The following FBH1 variants were observed in gnomAD, a reference collection of about 807,000 sequenced individuals.
FBH1 encodes the protein F-box DNA helicase 1, also known as DNA 3'-5' helicase 1.
A neutral mutation model predicts 115.5 loss-of-function variants in FBH1; 43 were observed. That is an observed-to-expected ratio of 0.37 (90% CI 0.29 to 0.48). FBH1 has a LOEUF of 0.48. Ranked by LOEUF, FBH1 falls within the 20% of genes least tolerant of loss-of-function variation. The pLI is 0.99. For synonymous variants in FBH1, 524 were observed against 507.8 expected, an observed-to-expected ratio of 1.03 and a Z score of -0.43; for missense variants, 1,001 against 1,337.3, an observed-to-expected ratio of 0.75 and a Z score of 3.92.
chr10:5,915,290 C>T lies in FBH1; in HGVS notation c.1397-113C>T. 4 of 1,106,744 alleles carry T rather than the reference C, an allele frequency of 3.6e-6. No homozygotes were observed. The highest frequency in any genetic ancestry group is 1.3e-6 in the Non-Finnish European group (1 of 783,846). The allele number at this position is 1,106,744 out of a possible 1,614,324, so 68.6% of individuals were successfully genotyped here. The stretch of plus-strand genomic sequence containing the variant: ...TTTACCAGCACTGAAAAACTTGTTA[C>T]TGTCCTGCTCTCAAGACAGAGGTGT... On this transcript the variant is annotated intron_variant, in intron 8 of 20. Coordinates refer to ENST00000362091, the MANE Select transcript of FBH1 (RefSeq NM_178150.3). This position sits in a 1 kb window ranked among gnomAD's most constrained non-coding sequence, Gnocchi z 5.2.
chr10:5,911,372 C>T lies in FBH1; in HGVS notation c.1211+244C>T, dbSNP rs1002904980. ...CGAGATACCACTAAGGCTGATTTTACCATCATGGGTCCTGCAGCCTTAGGG... is the reference window on the plus strand; with the variant it reads ...CGAGATACCACTAAGGCTGATTTTATCATCATGGGTCCTGCAGCCTTAGGG... On this transcript the variant is annotated intron_variant, in intron 6 of 20. Transcript: ENST00000362091. This position sits in a 1 kb window ranked among gnomAD's most constrained non-coding sequence, Gnocchi z 5.4. Among the ~76,000 whole-genome samples, 1 of 152,242 alleles carries T rather than the reference C, an allele frequency of 6.6e-6. No individual in the cohort carries two copies. Among genetic ancestry groups the T allele is most frequent in the South Asian group, 2.1e-4 (1 of 4,836 alleles).
chr10:5,926,530 TACAA>T (rs746223969), intron 18 of FBH1, among the ~76,000 whole-genome samples: 7 of 152,350 alleles, frequency 4.6e-5, no homozygotes, highest in African/African-American at 1.2e-4. Context: ...GAAATTTCTG[TACAA>T]ACAAACAAAG....
rs1395850902 is a variant in FBH1, at chr10:5,915,927, C to A, written c.1566-307C>A. 4.3e-6 allele frequency: 2 copies of A among 469,852 alleles called. No homozygotes were observed. Among genetic ancestry groups the A allele is most frequent in the Non-Finnish European group, 7.7e-6 (2 of 260,770 alleles). The allele number at this position is 469,852 out of a possible 1,614,324, so 29.1% of individuals were successfully genotyped here. On this transcript the variant is annotated intron_variant, in intron 9 of 20. Transcript: ENST00000362091. The surrounding 1 kb of genome is among the most constrained non-coding windows in gnomAD (Gnocchi z 5.2). ...CAGCCGAGGCACACTTGACCCAGGTCTCCTGGATGTAGAGGCATCAGGGAA... is the reference window on the plus strand; with the variant it reads ...CAGCCGAGGCACACTTGACCCAGGTATCCTGGATGTAGAGGCATCAGGGAA...
At chr10:5,904,446 A>G (rs1489717226) in intron 2 of FBH1, among the ~76,000 whole-genome samples, 2 of 152,200 alleles carry the variant, frequency 1.3e-5, no homozygotes, top group Non-Finnish European at 2.9e-5. Context: ...TTCCATATAT[A>G]GAAGTCTGTT....
chr10:5,923,461 C>G lies in FBH1; in HGVS notation c.2323-160C>G. 1 of 598,566 alleles carries G rather than the reference C, an allele frequency of 1.7e-6. No individual in the cohort carries two copies. Among genetic ancestry groups the G allele is most frequent in the East Asian group, 3.0e-5 (1 of 33,640 alleles). The allele number at this position is 598,566 out of a possible 1,614,324, so 37.1% of individuals were successfully genotyped here. Reference sequence around the variant, plus strand: ...GCTTCATGAAGTTTCCTGCTTGCCGCCTGTGCTTTGGGTGTCACTCAAGAT... The same window carrying G: ...GCTTCATGAAGTTTCCTGCTTGCCGGCTGTGCTTTGGGTGTCACTCAAGAT... On this transcript the variant is annotated intron_variant, in intron 15 of 20. Transcript: ENST00000362091. This position sits in a 1 kb window ranked among gnomAD's most constrained non-coding sequence, Gnocchi z 5.7.
In FBH1 at chr10:5,900,528, G is replaced by C. The variant is rs781450637; in HGVS notation, c.2-2492G>C. Among the ~76,000 whole-genome samples the C allele has an allele frequency of 9.2e-5, 14 of 152,248 alleles. No individual in the cohort carries two copies. Among genetic ancestry groups the C allele is most frequent in the Non-Finnish European group, 1.5e-4 (10 of 68,038 alleles). Reference sequence around the variant, plus strand: ...GATTGCTGAGGCCTGGCGCTCATGGGGTTGCACCCAGCTTCTGAGTTCAGG... The same window carrying C: ...GATTGCTGAGGCCTGGCGCTCATGGCGTTGCACCCAGCTTCTGAGTTCAGG... On this transcript the variant is annotated intron_variant, in intron 1 of 20. Transcript: ENST00000362091. This position sits in a 1 kb window ranked among gnomAD's most constrained non-coding sequence, Gnocchi z 4.2.
rs2131867947 is a variant in FBH1 at position 5,900,456 on chromosome 10, G to T, written c.2-2564G>T. Among the ~76,000 whole-genome samples the T allele has an allele frequency of 6.6e-6, 1 of 152,310 alleles. No homozygotes were observed. Among genetic ancestry groups the T allele is most frequent in the South Asian group, 2.1e-4 (1 of 4,832 alleles). On this transcript the variant is annotated intron_variant, in intron 1 of 20. Coordinates refer to ENST00000362091, the MANE Select transcript of FBH1 (RefSeq NM_178150.3). The surrounding 1 kb of genome is among the most constrained non-coding windows in gnomAD (Gnocchi z 4.2). ...CAGCCCTCCCGCCAGGCCCTCGCCG[G>T]CTCACCACGCTGCGCTGTGCTGCTT...
intron 1 of FBH1, among the ~76,000 whole-genome samples, chr10:5,898,515 AT>A: frequency 6.6e-6 from 1 of 151,998 alleles, no homozygotes; most frequent in South Asian, 2.1e-4. Flanking sequence ...GGTTCAAGTG[AT>A]TCTTGGGCCT....
chr10:5,931,067 T>G lies in FBH1; in HGVS notation c.2829+3526T>G, dbSNP rs1170686812. 6.6e-6 allele frequency among the ~76,000 whole-genome samples: 1 copy of G among 152,154 alleles called. No individual in the cohort carries two copies. The highest frequency in any genetic ancestry group is 6.5e-5 in the Admixed American group (1 of 15,278). On this transcript the variant is annotated intron_variant, in intron 19 of 20. Transcript: ENST00000362091. This position sits in a 1 kb window ranked among gnomAD's most constrained non-coding sequence, Gnocchi z 4.3. ...TGTGACACCAGGCAAATTTCAACAT[T>G]TTGTTGTTAAATATAACACAAGTAT...
chr10:5,908,220 A>C (rs1437570446), intron 3 of FBH1, among the ~76,000 whole-genome samples: 1 of 152,112 alleles, frequency 6.6e-6, no homozygotes, highest in Non-Finnish European at 1.5e-5. Context: ...ATTTATAGTT[A>C]TTATATCTTC....
In FBH1 at chr10:5,895,333, C is replaced by A; in HGVS notation, c.1+4987C>A. 1.4e-6 allele frequency: 1 copy of A among 698,996 alleles called. No homozygotes were observed. The highest frequency in any genetic ancestry group is 2.1e-6 in the Non-Finnish European group (1 of 478,804). The allele number at this position is 698,996 out of a possible 1,614,324, so 43.3% of individuals were successfully genotyped here. On this transcript the variant is annotated intron_variant, in intron 1 of 20. Coordinates refer to ENST00000362091, the MANE Select transcript of FBH1 (RefSeq NM_178150.3). This position sits in a 1 kb window ranked among gnomAD's most constrained non-coding sequence, Gnocchi z 5.0. ...AGTCAGGTACCTTGTACTAGCGAGT[C>A]AACTTGATTTTTTTTTGAAAAAGCA...
In FBH1 at chr10:5,913,467, A is replaced by G. The variant is rs1831735215; in HGVS notation, c.1212-280A>G. Among the ~76,000 whole-genome samples, 1 of 152,144 alleles carries G rather than the reference A, an allele frequency of 6.6e-6. No individual in the cohort carries two copies. Among genetic ancestry groups the G allele is most frequent in the African/African-American group, 2.4e-5 (1 of 41,426 alleles). The stretch of plus-strand genomic sequence containing the variant: ...GTTTTTCAGGTTGTTTGTCTCTTCA[A>G]GTCACAGCTGGCGCCCCTCATTCCC... On this transcript the variant is annotated intron_variant, in intron 6 of 20. Transcript: ENST00000362091. This position sits in a 1 kb window ranked among gnomAD's most constrained non-coding sequence, Gnocchi z 4.4.
Position 5,906,482 on chromosome 10 carries a change from G to A in FBH1, c.603G>A (p.Gly201=). The change falls in exon 3 of 21, where the codon GGG becomes GGA. Residue 201 remains glycine, a synonymous_variant. Transcript: ENST00000362091. The surrounding 1 kb of genome is among the most constrained non-coding windows in gnomAD (Gnocchi z 7.3). ...PIPDSYYGLL[G]TLPCQEALSH... ...CTGACTCATACTATGGGCTTCTTGG[G>A]ACCTTGCCCTGCCAGGAAGCACTGA... 6.2e-7 allele frequency: 1 copy of A among 1,614,120 alleles called. No homozygotes were observed. Among genetic ancestry groups the A allele is most frequent in the East Asian group, 2.2e-5 (1 of 44,886 alleles).
chr10:5,900,363 TCA>T lies in FBH1; in HGVS notation c.2-2656_2-2655del, dbSNP rs1263456624. ...TCAGGGTGGTATGGCCGTAGACCTATCAGACTTAGAGACCTGAGGTGCCCTGA... is the reference window on the plus strand; with the variant it reads ...TCAGGGTGGTATGGCCGTAGACCTATGACTTAGAGACCTGAGGTGCCCTGA... On this transcript the variant is annotated intron_variant, in intron 1 of 20. Transcript: ENST00000362091. This position sits in a 1 kb window ranked among gnomAD's most constrained non-coding sequence, Gnocchi z 4.2. Among the ~76,000 whole-genome samples, 1 of 152,244 alleles carries T rather than the reference TCA, an allele frequency of 6.6e-6. No individual in the cohort carries two copies. The highest frequency in any genetic ancestry group is 2.4e-5 in the African/African-American group (1 of 41,474).
rs1161019918 is a variant in FBH1 at position 5,911,179 on chromosome 10, A to G, written c.1211+51A>G. 1 of 1,544,636 alleles carries G rather than the reference A, an allele frequency of 6.5e-7. No individual in the cohort carries two copies. The highest frequency in any genetic ancestry group is 8.8e-7 in the Non-Finnish European group (1 of 1,136,330). On this transcript the variant is annotated intron_variant, in intron 6 of 20. Coordinates refer to ENST00000362091, the MANE Select transcript of FBH1 (RefSeq NM_178150.3). The surrounding 1 kb of genome is among the most constrained non-coding windows in gnomAD (Gnocchi z 5.4). The stretch of plus-strand genomic sequence containing the variant: ...GATGCTGTGATAATGGGAGAGTCCC[A>G]GACACAGCAGCAGGTCCAGCCCTGC...
At position 5,921,097 on chromosome 10, in the gene FBH1, T is replaced by C. The variant is rs1255029535; in HGVS notation, c.2101-161T>C. Among the ~76,000 whole-genome samples, 1 of 152,204 alleles carries C rather than the reference T, an allele frequency of 6.6e-6. No individual in the cohort carries two copies. Among genetic ancestry groups the C allele is most frequent in the Non-Finnish European group, 1.5e-5 (1 of 68,040 alleles). On this transcript the variant is annotated intron_variant, in intron 13 of 20. Coordinates refer to ENST00000362091, the MANE Select transcript of FBH1 (RefSeq NM_178150.3). This position sits in a 1 kb window ranked among gnomAD's most constrained non-coding sequence, Gnocchi z 6.4. ...TAATGGAAAATAAAGACTGCTGAGTTGTGAAGGACCTTGAAAGTGAGCCTG... is the reference window on the plus strand; with the variant it reads ...TAATGGAAAATAAAGACTGCTGAGTCGTGAAGGACCTTGAAAGTGAGCCTG...
In FBH1 at chr10:5,910,866, T is replaced by G; in HGVS notation, c.1021-72T>G. On this transcript the variant is annotated intron_variant, in intron 5 of 20. Transcript: ENST00000362091. The surrounding 1 kb of genome is among the most constrained non-coding windows in gnomAD (Gnocchi z 4.8). ...GGACCCGTGGCTCGGCTTTCCTGAC[T>G]CCTTCCTGCTGTGATTCGTATTAAC... The G allele has an allele frequency of 7.3e-7, 1 of 1,378,210 alleles. No individual in the cohort carries two copies. The highest frequency in any genetic ancestry group is 9.9e-7 in the Non-Finnish European group (1 of 1,015,006). 85.4% of individuals were successfully genotyped at this position (1,378,210 alleles called of 1,614,324 possible).
chr10:5,893,529 A>G (rs1389325218), intron 1 of FBH1, among the ~76,000 whole-genome samples: 1 of 152,180 alleles, frequency 6.6e-6, no homozygotes, highest in African/African-American at 2.4e-5. Flanking sequence ...ACTCTAGTGC[A>G]TTGTTAATGC....
At position 5,911,473 on chromosome 10, in the gene FBH1, C is replaced by T. The variant is rs1831587437; in HGVS notation, c.1211+345C>T. The stretch of plus-strand genomic sequence containing the variant: ...CCTAGGAAAATGTTAGGCTCTACTT[C>T]CTCCATATCCCACTTGTGGGATGGA... On this transcript the variant is annotated intron_variant, in intron 6 of 20. Coordinates refer to ENST00000362091, the MANE Select transcript of FBH1 (RefSeq NM_178150.3). This position sits in a 1 kb window ranked among gnomAD's most constrained non-coding sequence, Gnocchi z 5.4. Among the ~76,000 whole-genome samples the T allele has an allele frequency of 6.6e-6, 1 of 152,244 alleles. No homozygotes were observed. The highest frequency in any genetic ancestry group is 1.5e-5 in the Non-Finnish European group (1 of 68,044).
Sources: gnomAD v4.1 joint callset for allele counts (sites outside exome capture counted in the v4.1 genomes callset) on GRCh38, gnomAD v4.1.1 for gene constraint, Gnocchi (gnomAD v3.1) non-coding constraint, MANE v1.5 for transcripts, NCBI Gene and HGNC (gene_info 2026-07-23, HGNC 2026-07-21) for gene names.